ROCK2: variants seen among roughly 807,000 people sequenced by gnomAD.
ROCK2 encodes the protein Rho associated coiled-coil containing protein kinase 2.
A neutral mutation model predicts 195.1 loss-of-function variants in ROCK2; 61 were observed. That is an observed-to-expected ratio of 0.31 (90% CI 0.25 to 0.39). The LOEUF is 0.39. ROCK2 is among the 10% of genes least tolerant of loss of function. ROCK2 has a pLI of 1.00. For missense variants in ROCK2, 1,109 were observed against 1,637.4 expected, an observed-to-expected ratio of 0.68 and a Z score of 5.57; for synonymous variants, 504 against 545.5, an observed-to-expected ratio of 0.92 and a Z score of 1.06.
intron 3 of ROCK2, among the ~76,000 whole-genome samples, chr2:11,272,119 G>A (rs769694071): frequency 9.2e-5 from 14 of 152,094 alleles, no homozygotes; most frequent in Non-Finnish European, 1.8e-4. Context: ...TGTTTGACTG[G>A]GTTTTTTGGT....
At chr2:11,330,762 GA>G (rs1668701860) in intron 1 of ROCK2, among the ~76,000 whole-genome samples, 2 of 92,988 alleles carry the variant, frequency 2.2e-5, no homozygotes, top group African/African-American at 7.6e-5. Context: ...GAGGAGGAGG[GA>G]GGAGGAGGAG....
At chr2:11,312,580 A>G (rs1205637121) in intron 1 of ROCK2, among the ~76,000 whole-genome samples, 2 of 152,172 alleles carry the variant, frequency 1.3e-5, no homozygotes, top group East Asian at 1.9e-4. Flanking sequence ...TTCATTCAGT[A>G]TAATTCTGAG....
intron 1 of ROCK2, among the ~76,000 whole-genome samples, chr2:11,313,409 G>A (rs1050298974): frequency 1.1e-4 from 16 of 151,828 alleles, no homozygotes; most frequent in Non-Finnish European, 2.1e-4. Flanking sequence ...ATATTTTTGG[G>A]TTTTATAAGA....
chr2:11,195,057 A>G (rs763071882), intron 27 of ROCK2, 32 bp from the exon 28 acceptor site: 2 of 1,217,034 alleles, frequency 1.6e-6, no homozygotes, highest in Non-Finnish European at 1.2e-6. Flanking sequence ...GAGGCTAAAG[A>G]TAACAATTCT....
chr2:11,215,512 TC>T lies in ROCK2; in HGVS notation c.1594del (p.Asp532MetfsTer5). On this transcript the variant is annotated frameshift_variant, in exon 14 of 33. Coordinates refer to ENST00000315872, the MANE Select transcript of ROCK2 (RefSeq NM_004850.5). LOFTEE classifies it high-confidence loss of function. ...AATTAATATTCTACACCACAAACCA[TC>T]ATTTTCCAAATTTCGTTTTTTGTCT... ...EADKKRNLEN[D>X]VNSLKDQLED... The T allele has an allele frequency of 6.2e-7, 1 of 1,612,410 alleles. No individual in the cohort carries two copies. Among genetic ancestry groups the T allele is most frequent in the Non-Finnish European group, 8.5e-7 (1 of 1,179,546 alleles).
At chr2:11,281,947 A>G (rs540568351) in intron 3 of ROCK2, among the ~76,000 whole-genome samples, 22 of 152,330 alleles carry the variant, frequency 1.4e-4, no homozygotes, top group Admixed American at 6.5e-4. Flanking sequence ...AAGTTGGTCT[A>G]TATTTTCAAT....
intron 1 of ROCK2, among the ~76,000 whole-genome samples, chr2:11,334,636 C>G (rs1319503442): frequency 7.2e-6 from 1 of 139,182 alleles, no homozygotes; most frequent in Non-Finnish European, 1.7e-5. Context: ...ACTCAAAAGC[C>G]AAGAAGCATA....
At chr2:11,332,140 T>C (rs1668786513) in intron 1 of ROCK2, among the ~76,000 whole-genome samples, 1 of 151,406 alleles carries the variant, frequency 6.6e-6, no homozygotes. Context: ...ACCCCATCTC[T>C]TAAAAAAAAA....
chr2:11,208,736 G>GCA (rs1182830663), intron 18 of ROCK2, among the ~76,000 whole-genome samples: 3 of 151,698 alleles, frequency 2.0e-5, no homozygotes, highest in African/African-American at 7.3e-5. Flanking sequence ...CGGATTACAG[G>GCA]CGTGTGCCAC....
intron 8 of ROCK2, 97 bp from the exon 9 acceptor site, chr2:11,221,454 A>G (rs1342436804): frequency 7.9e-6 from 7 of 881,370 alleles, no homozygotes; most frequent in Admixed American, 3.9e-5. Context: ...TAATAACACT[A>G]TATAAATTTG....
intron 20 of ROCK2, among the ~76,000 whole-genome samples, chr2:11,206,884 G>A (rs577983034): frequency 7.9e-5 from 12 of 152,250 alleles, no homozygotes; most frequent in East Asian, 5.8e-4. Flanking sequence ...TCATTTGCCC[G>A]ATGTTGGTTA....
At chr2:11,234,343 A>G (rs546288617) in intron 5 of ROCK2, 1 of 152,176 alleles carries the variant, frequency 6.6e-6, no homozygotes, top group Non-Finnish European at 1.5e-5. Context: ...CCTAGTGCCA[A>G]AAGTTTTTGG....
intron 3 of ROCK2, among the ~76,000 whole-genome samples, chr2:11,280,778 C>T (rs2148183044): frequency 6.6e-6 from 1 of 151,672 alleles, no homozygotes; most frequent in East Asian, 1.9e-4. Flanking sequence ...AGTTATTAAC[C>T]TTCCAAAACA....
At chr2:11,191,449 T>G (rs950445055) in intron 32 of ROCK2, among the ~76,000 whole-genome samples, 1 of 152,246 alleles carries the variant, frequency 6.6e-6, no homozygotes, top group African/African-American at 2.4e-5. Context: ...AAAGCTGGTC[T>G]ATGTTGCTGT....
At chr2:11,240,868 T>C (rs1403976994) in intron 4 of ROCK2, among the ~76,000 whole-genome samples, 1 of 152,236 alleles carries the variant, frequency 6.6e-6, no homozygotes, top group African/African-American at 2.4e-5. Flanking sequence ...ATAAAATTAA[T>C]TTTGAAAACT....
chr2:11,318,151 T>A (rs530585554), intron 1 of ROCK2, among the ~76,000 whole-genome samples: 1 of 152,220 alleles, frequency 6.6e-6, no homozygotes, highest in Non-Finnish European at 1.5e-5. Flanking sequence ...CTGGGTCAAA[T>A]GGTATCTCTA....
chr2:11,189,436 T>C (rs911862327), intron 32 of ROCK2, among the ~76,000 whole-genome samples: 24 of 152,302 alleles, frequency 1.6e-4, no homozygotes, highest in African/African-American at 5.5e-4. Context: ...CCTGGAACCA[T>C]GCTACTCAAT....
intron 1 of ROCK2, among the ~76,000 whole-genome samples, chr2:11,317,613 T>TATATATATA (rs1553317465): frequency 0.023 from 464 of 20,112 alleles, 15 homozygotes; most frequent in Non-Finnish European, 0.029. Flanking sequence ...TATATATATA[T>TATATATATA]TTTTTTTTTT....
intron 4 of ROCK2, among the ~76,000 whole-genome samples, chr2:11,238,240 GTCTGT>G (rs1665292101): frequency 1.3e-5 from 2 of 149,076 alleles, no homozygotes; most frequent in African/African-American, 5.0e-5. Flanking sequence ...GTGTGTGTGT[GTCTGT>G]TGTGTGTGTC....
Sources: gnomAD v4.1 joint callset for allele counts (sites outside exome capture counted in the v4.1 genomes callset) on GRCh38, gnomAD v4.1.1 for gene constraint, MANE v1.5 for transcripts, NCBI Gene and HGNC (gene_info 2026-07-23, HGNC 2026-07-21) for gene names.